The following BAG1 variants were observed in gnomAD, a reference collection of about 807,000 sequenced individuals.
BAG1 encodes the protein BAG family molecular chaperone regulator 1.
A neutral mutation model predicts 35.5 loss-of-function variants in BAG1; 35 were observed. The observed-to-expected ratio is 0.99, with a 90% CI of 0.75 to 1.31. The LOEUF (loss-of-function observed/expected upper bound fraction) is 1.31, where lower values mean the gene tolerates loss of function less well. Ranked by LOEUF, BAG1 falls within the 50% of genes most tolerant of loss-of-function variation. The pLI, the probability that BAG1 is intolerant of heterozygous loss-of-function variation, is 0.00. For missense variants in BAG1, 464 were observed against 453.6 expected (o/e 1.02, Z -0.21); for synonymous variants, 191 against 178.9 (o/e 1.07, Z -0.54).
intron 1 of BAG1, among the ~76,000 whole-genome samples, chr9:33,263,781 C>T (rs1013174326): frequency 6.0e-5 from 5 of 82,762 alleles, no homozygotes; most frequent in African/African-American, 1.3e-4. Flanking sequence ...GCCCAGAGTA[C>T]AACGCTTGGA....
rs28655530 is a variant in BAG1, at chr9:33,261,971, C to A, written c.580+731G>T. The A allele has an allele frequency of 0.015, 17,650 of 1,185,456 alleles. 1,469 individuals are homozygous for A. In the African/African-American group the frequency reaches 0.21, roughly 14 times the overall value. 73.4% of individuals were successfully genotyped at this position (1,185,456 alleles called of 1,614,324 possible). On this transcript the variant is annotated intron_variant, in intron 2 of 6. Transcript: ENST00000634734. ...AAACACAGCAGTATCTCCACCCTCA[C>A]GGAGGCTGTTATTTTAACAGAGAAA...
In BAG1 at chr9:33,255,085, G is replaced by A; in HGVS notation, c.*134C>T. On this transcript the variant is annotated 3_prime_UTR_variant, in exon 7 of 7. Coordinates refer to ENST00000634734, the MANE Select transcript of BAG1 (RefSeq NM_004323.6). ...AGACACTATTTTTCATTGAGAACCA[G>A]TGTGAGAGTAGGAAAATTGGCAAAT... is the stretch of plus-strand genomic sequence containing the variant. 6.3e-7 allele frequency: 1 copy of A among 1,596,676 alleles called. No homozygotes were observed. The highest frequency in any genetic ancestry group is 8.5e-7 in the Non-Finnish European group (1 of 1,170,234).
rs1451597601 is a variant in BAG1, at chr9:33,264,526, C to G, written c.149G>C (p.Arg50Pro). The G allele has an allele frequency of 1.9e-6, 3 of 1,581,882 alleles. No individual in the cohort carries two copies. Among genetic ancestry groups the G allele is most frequent in the African/African-American group, 1.4e-5 (1 of 73,968 alleles). The change falls in exon 1 of 7, where the codon CGG becomes CCG. Residue 50 changes from arginine to proline, a missense_variant. Transcript: ENST00000634734. The stretch of plus-strand genomic sequence containing the variant: ...TCGGTCATGCCCGCTGGCAGTACTC[C>G]GGGCAGGTGGACGCCCAGAGGGAGG...
chr9:33,262,002 T>C lies in BAG1; in HGVS notation c.580+700A>G, dbSNP rs192158332. ...CTGTTATTTTAACAGAGAAATCAGATGTTAAGCAACTAAGAAAATGATTAT... is the reference window on the plus strand; with the variant it reads ...CTGTTATTTTAACAGAGAAATCAGACGTTAAGCAACTAAGAAAATGATTAT... On this transcript the variant is annotated intron_variant, in intron 2 of 6. Coordinates refer to ENST00000634734, the MANE Select transcript of BAG1 (RefSeq NM_004323.6). The C allele has an allele frequency of 2.7e-5, 32 of 1,191,066 alleles. No homozygotes were observed. In the South Asian group the frequency reaches 4.3e-4, roughly 16 times the overall value. 73.8% of individuals were successfully genotyped at this position (1,191,066 alleles called of 1,614,324 possible).
At chr9:33,257,629 C>A (rs1820482430) in intron 4 of BAG1, 1 of 152,066 alleles carries the variant, frequency 6.6e-6, no homozygotes, top group African/African-American at 2.4e-5. Context: ...ACCAAAAAAA[C>A]CAGGAATGGT....
intron 3 of BAG1, chr9:33,260,284 C>G (rs1820541069): frequency 6.6e-6 from 1 of 152,204 alleles, no homozygotes; most frequent in African/African-American, 2.4e-5. Context: ...TCTCCCTGAC[C>G]CTGAAGCAAG....
rs578036647 is a variant in BAG1, at chr9:33,253,687, T to C, written c.*1532A>G. ...TGATGTGAGTCTTTAGGTAGAGTTATAGCGCAAAGGGCTACTATCAATGTT... is the reference window on the plus strand; with the variant it reads ...TGATGTGAGTCTTTAGGTAGAGTTACAGCGCAAAGGGCTACTATCAATGTT... On this transcript the variant is annotated 3_prime_UTR_variant, in exon 7 of 7. Transcript: ENST00000634734. 2.0e-5 allele frequency: 3 copies of C among 148,944 alleles called. No homozygotes were observed. The East Asian group carries it at 5.9e-4, about 30-fold the overall frequency. The allele number at this position is 148,944 out of a possible 1,614,324, so 9.2% of individuals were successfully genotyped here.
rs1587784469 is a variant in BAG1, at chr9:33,253,805, A to G, written c.*1414T>C. On this transcript the variant is annotated 3_prime_UTR_variant, in exon 7 of 7. Coordinates refer to ENST00000634734, the MANE Select transcript of BAG1 (RefSeq NM_004323.6). ...CAAACCACTCTTCTACTTTATGATG[A>G]GCACATAAACAGTTTTTTTTTCTTT... is the stretch of plus-strand genomic sequence containing the variant. 6.7e-6 allele frequency: 1 copy of G among 148,984 alleles called. No individual in the cohort carries two copies. Among genetic ancestry groups the G allele is most frequent in the African/African-American group, 2.5e-5 (1 of 40,806 alleles). The allele number at this position is 148,984 out of a possible 1,614,324, so 9.2% of individuals were successfully genotyped here. A position where few individuals can be genotyped will look rare whatever the true frequency, so the allele number is the denominator to read the frequency against.
chr9:33,262,136 C>T (rs1173567346), intron 2 of BAG1: 7 of 1,289,528 alleles, frequency 5.4e-6, no homozygotes, highest in Non-Finnish European at 6.1e-6. Flanking sequence ...TGAGCTTCAT[C>T]GAAAATGGTG....
intron 1 of BAG1, among the ~76,000 whole-genome samples, 169 bp from the exon 2 acceptor site, chr9:33,262,999 G>C (rs1480274916): frequency 6.6e-6 from 1 of 152,186 alleles, no homozygotes; most frequent in Non-Finnish European, 1.5e-5. Context: ...ACCTCCTCAA[G>C]TATCTCTGTT....
rs755980886 is a variant in BAG1 at position 33,255,785 on chromosome 9, C to A, written c.948+80G>T. 6 of 1,491,334 alleles carry A rather than the reference C, an allele frequency of 4.0e-6. No homozygotes were observed. The South Asian group carries it at 5.7e-5, about 14-fold the overall frequency. The allele number at this position is 1,491,334 out of a possible 1,614,324, so 92.4% of individuals were successfully genotyped here. On this transcript the variant is annotated intron_variant, in intron 6 of 6. Transcript: ENST00000634734. The stretch of plus-strand genomic sequence containing the variant: ...CCATACCACACACCACGCTCCTACA[C>A]TACCTGATTTTGAACAGATAAACAC...
At chr9:33,256,044 A>C in intron 5 of BAG1, 117 bp from the exon 6 acceptor site, 1 of 899,936 alleles carries the variant, frequency 1.1e-6, no homozygotes, top group Non-Finnish European at 1.8e-6. Flanking sequence ...AAAACAGGTC[A>C]CAGGTCACCA....
At chr9:33,257,281 T>G (rs536579536) in intron 4 of BAG1, 35 of 191,744 alleles carry the variant, frequency 1.8e-4, no homozygotes, top group African/African-American at 7.8e-4. Flanking sequence ...GCAAATTATT[T>G]AGCCTATTCA....
intron 3 of BAG1, chr9:33,259,599 G>A (rs1820527196): frequency 6.5e-6 from 1 of 153,142 alleles, no homozygotes; most frequent in South Asian, 2.0e-4. Flanking sequence ...TGGGTGCAGA[G>A]AATGGAGACA....
intron 2 of BAG1, chr9:33,262,185 C>G: frequency 1.6e-6 from 2 of 1,289,764 alleles, no homozygotes; most frequent in South Asian, 1.2e-5. Flanking sequence ...AATCTGACAC[C>G]TGTCCAGGTG....
intron 4 of BAG1, chr9:33,257,857 T>G (rs1340413122): frequency 1.3e-5 from 2 of 152,248 alleles, no homozygotes; most frequent in East Asian, 1.9e-4. Context: ...TCAAATTTTT[T>G]TAAGATGAAA....
At chr9:33,256,012 A>T in intron 5 of BAG1, 85 bp from the exon 6 acceptor site, 1 of 1,267,748 alleles carries the variant, frequency 7.9e-7, no homozygotes, top group South Asian at 1.2e-5. Context: ...ATGAGAGCAC[A>T]TAAGAAACAC....
Position 33,264,084 on chromosome 9 carries a change from C to T in BAG1, c.451+140G>A, listed in dbSNP as rs992862172. 4.2e-5 allele frequency: 43 copies of T among 1,015,038 alleles called. 1 individual carries two copies. Among genetic ancestry groups the T allele is most frequent in the East Asian group, 1.6e-4 (6 of 38,000 alleles). The allele number at this position is 1,015,038 out of a possible 1,614,324, so 62.9% of individuals were successfully genotyped here. Reference sequence around the variant, plus strand: ...AAGCCCGGGACAAAAGACAGTTCCACGGACACAACCAATAACCCACGCTTC... The same window carrying T: ...AAGCCCGGGACAAAAGACAGTTCCATGGACACAACCAATAACCCACGCTTC... On this transcript the variant is annotated intron_variant, in intron 1 of 6. Coordinates refer to ENST00000634734, the MANE Select transcript of BAG1 (RefSeq NM_004323.6).
At chr9:33,261,758 GGTAA>G (rs1587790827) in intron 2 of BAG1, among the ~76,000 whole-genome samples, 1 of 152,116 alleles carries the variant, frequency 6.6e-6, no homozygotes, top group East Asian at 1.9e-4. Context: ...CACCCAATGG[GGTAA>G]GTCTTTCCCC....
Sources: allele counts gnomAD v4.1 joint callset (sites outside exome capture counted in the v4.1 genomes callset), GRCh38; gene constraint gnomAD v4.1.1; transcripts MANE v1.5; gene names NCBI Gene and HGNC (gene_info 2026-07-23, HGNC 2026-07-21).